The following FLT4 variants were observed in gnomAD, a reference collection of about 807,000 sequenced individuals.
FLT4 encodes vascular endothelial growth factor receptor 3.
Under a neutral mutation model 163.2 loss-of-function variants are expected in FLT4, and 30 were observed. That is an observed-to-expected ratio of 0.18 (90% CI 0.14 to 0.25). The LOEUF (loss-of-function observed/expected upper bound fraction) is 0.25. Among genes scored for constraint, FLT4 ranks in the 10% least tolerant of loss-of-function variants. The pLI is 1.00. For synonymous variants in FLT4, 884 were observed against 789.5 expected, an observed-to-expected ratio of 1.12 and a Z score of -2.01; for missense variants, 1,510 against 1,863.8, an observed-to-expected ratio of 0.81 and a Z score of 3.50.
At position 180,620,739 on chromosome 5, in the gene FLT4, C is replaced by CGTGT. The variant is rs57822329; in HGVS notation, c.2300-28_2300-25dup. The CGTGT allele has an allele frequency of 0.2, 300,821 of 1,528,920 alleles. 9,884 individuals carry two copies. The highest frequency in any genetic ancestry group is 0.23 in the Middle Eastern group (1,305 of 5,722). 94.7% of individuals were successfully genotyped at this position (1,528,920 alleles called of 1,614,324 possible). A position where few individuals can be genotyped will look rare whatever the true frequency, so the allele number is the denominator to read the frequency against. On this transcript the variant is annotated intron_variant, in intron 15 of 29. Transcript: ENST00000261937. This position sits in a 1 kb window ranked among gnomAD's most constrained non-coding sequence, Gnocchi z 4.4. ...GCCTGCGTGGGCAGAAAGGGGCCGG[C>CGTGT]GTGTGTGTGTGTGTGTGTAAGAGCG...
At chr5:180,603,414 T>G in intron 29 of FLT4, 24 bp from the exon 30 acceptor site, 1 of 1,610,668 alleles carries the variant, frequency 6.2e-7, no homozygotes, top group Non-Finnish European at 8.5e-7. Context: ...GAAGGTGGTG[T>G]TAGTAAGAGA....
intron 11 of FLT4, 96 bp from the exon 12 acceptor site, chr5:180,622,935 C>CA (rs1554113608): frequency 2.3e-5 from 18 of 787,560 alleles, no homozygotes; most frequent in South Asian, 1.3e-4. Flanking sequence ...ACCACCCCCC[C>CA]CAATCATGGG....
rs765075751 is a variant in FLT4, at chr5:180,620,733, G to T, written c.2300-18C>A. 6.3e-7 allele frequency: 1 copy of T among 1,598,774 alleles called. No individual in the cohort carries two copies. Among genetic ancestry groups the T allele is most frequent in the Admixed American group, 1.7e-5 (1 of 59,376 alleles). On this transcript the variant is annotated intron_variant, in intron 15 of 29. Transcript: ENST00000261937. The surrounding 1 kb of genome is among the most constrained non-coding windows in gnomAD (Gnocchi z 4.4). Reference sequence around the variant, plus strand: ...CTCGGAGCCTGCGTGGGCAGAAAGGGGCCGGCGTGTGTGTGTGTGTGTGTA... The same window carrying T: ...CTCGGAGCCTGCGTGGGCAGAAAGGTGCCGGCGTGTGTGTGTGTGTGTGTA...
chr5:180,608,671 T>C (rs749287045), intron 29 of FLT4, among the ~76,000 whole-genome samples: 7 of 152,180 alleles, frequency 4.6e-5, no homozygotes, highest in South Asian at 2.1e-4. Context: ...AGAGTGTGTG[T>C]GCCCTGGGCA....
Position 180,620,312 on chromosome 5 carries a change from C to A in FLT4, c.2407-4G>T, listed in dbSNP as rs1375794203. 1 of 1,610,232 alleles carries A rather than the reference C, an allele frequency of 6.2e-7. No homozygotes were observed. The highest frequency in any genetic ancestry group is 8.5e-7 in the Non-Finnish European group (1 of 1,179,830). On this transcript the variant is annotated splice_polypyrimidine_tract_variant and splice_region_variant and intron_variant, in intron 16 of 29. Coordinates refer to ENST00000261937, the MANE Select transcript of FLT4 (RefSeq NM_182925.5). The surrounding 1 kb of genome is among the most constrained non-coding windows in gnomAD (Gnocchi z 4.4). Reference sequence around the variant, plus strand: ...TCTTGATGTCTGCGTGGGCCGGCTGCGGGGAGGGGACAGGGAGGAGTGGGG... The same window carrying A: ...TCTTGATGTCTGCGTGGGCCGGCTGAGGGGAGGGGACAGGGAGGAGTGGGG...
rs370998642 is a variant in FLT4 at position 180,609,005 on chromosome 5, G to C, written c.3856C>G (p.Gln1286Glu). The C allele has an allele frequency of 2.3e-5, 37 of 1,614,022 alleles. No homozygotes were observed. The highest frequency in any genetic ancestry group is 1.6e-4 in the Middle Eastern group (1 of 6,084). ...GMVLASEEFEQIESRHRQESG... is the reference protein window; with the variant it reads ...GMVLASEEFEEIESRHRQESG... ...TCTTGTCTATGCCTGCTCTCTATCTGCTCAAACTCCTCCGAGGCCAGCACC... is the reference window on the plus strand; with the variant it reads ...TCTTGTCTATGCCTGCTCTCTATCTCCTCAAACTCCTCCGAGGCCAGCACC... Residue 1286 changes from glutamine (Q) to glutamate (E), a missense_variant, in exon 29 of 30, where the codon CAG becomes GAG. Physicochemically the swap from Gln to Glu is conservative, Grantham distance 29. Transcript: ENST00000261937.
Position 180,630,733 on chromosome 5 carries a change from G to A in FLT4, c.222C>T (p.Asp74=), listed in dbSNP as rs768515419. The part of the protein sequence containing the change: ...AQEAPATGDK[D]SEDTGVVRDC... Reference sequence around the variant, plus strand: ...CTCGCACCACCCCCGTGTCCTCGCTGTCCTTGTCTCCGGTGGCTGGCGCCT... The same window carrying A: ...CTCGCACCACCCCCGTGTCCTCGCTATCCTTGTCTCCGGTGGCTGGCGCCT... Residue 74 remains aspartate, a synonymous_variant, in exon 3 of 30, where the codon GAC becomes GAT. Coordinates refer to ENST00000261937, the MANE Select transcript of FLT4 (RefSeq NM_182925.5). This position sits in a 1 kb window ranked among gnomAD's most constrained non-coding sequence, Gnocchi z 6.3. 6 of 1,611,346 alleles carry A rather than the reference G, an allele frequency of 3.7e-6. No homozygotes were observed. The highest frequency in any genetic ancestry group is 5.1e-6 in the Non-Finnish European group (6 of 1,179,912).
intron 23 of FLT4, among the ~76,000 whole-genome samples, chr5:180,615,266 C>G (rs376419338): frequency 8.7e-6 from 1 of 114,510 alleles, no homozygotes; most frequent in Non-Finnish European, 2.0e-5. Flanking sequence ...TCTCCACTTC[C>G]GAAATCCACT....
intron 1 of FLT4, among the ~76,000 whole-genome samples, chr5:180,641,785 G>A (rs1017849236): frequency 1.3e-5 from 2 of 152,232 alleles, no homozygotes; most frequent in South Asian, 2.1e-4. Context: ...TGGGCACCCC[G>A]CACTGCCGCT....
chr5:180,645,629 G>A (rs1197035882), intron 1 of FLT4, among the ~76,000 whole-genome samples: 2 of 152,130 alleles, frequency 1.3e-5, no homozygotes, highest in Non-Finnish European at 2.9e-5. Flanking sequence ...CTGGCCGTGG[G>A]CTAGGGTGGT....
intron 1 of FLT4, among the ~76,000 whole-genome samples, chr5:180,638,220 C>G (rs1764833175): frequency 6.6e-6 from 1 of 152,244 alleles, no homozygotes; most frequent in African/African-American, 2.4e-5. Context: ...AAGCATCCAG[C>G]TGCCCACTGG....
intron 12 of FLT4, 96 bp downstream of exon 12, chr5:180,622,635 C>T (rs1763244926): frequency 1.0e-5 from 8 of 765,714 alleles, no homozygotes; most frequent in Non-Finnish European, 1.6e-5. Flanking sequence ...GGATCTCTCT[C>T]CTGGGTGTCC....
At position 180,620,524 on chromosome 5, in the gene FLT4, C is replaced by T. The variant is rs1399016509; in HGVS notation, c.2406+85G>A. 2.4e-6 allele frequency: 3 copies of T among 1,229,978 alleles called. No individual in the cohort carries two copies. The highest frequency in any genetic ancestry group is 2.4e-5 in the East Asian group (1 of 41,628). 76.2% of individuals were successfully genotyped at this position (1,229,978 alleles called of 1,614,324 possible). A position where few individuals can be genotyped will look rare whatever the true frequency, so the allele number is the denominator to read the frequency against. Reference sequence around the variant, plus strand: ...AACAAGGCTGCCAGGTGAACTAGGGCGGGCACCTTATTCTTTATCTTAGGG... The same window carrying T: ...AACAAGGCTGCCAGGTGAACTAGGGTGGGCACCTTATTCTTTATCTTAGGG... On this transcript the variant is annotated intron_variant, in intron 16 of 29. Coordinates refer to ENST00000261937, the MANE Select transcript of FLT4 (RefSeq NM_182925.5). The surrounding 1 kb of genome is among the most constrained non-coding windows in gnomAD (Gnocchi z 4.4).
At position 180,618,964 on chromosome 5, in the gene FLT4, C is replaced by A. The variant is rs748127600; in HGVS notation, c.2851-44G>T. On this transcript the variant is annotated intron_variant, in intron 20 of 29. Transcript: ENST00000261937. ...GGCTCGAGGGCGCCCAGTCGTCCGC[C>A]GCAGAGGCGCCTCCATTCCCCCGCC... is the stretch of plus-strand genomic sequence containing the variant. 2.6e-6 allele frequency: 4 copies of A among 1,556,638 alleles called. No individual in the cohort carries two copies. In the Admixed American group the frequency reaches 5.8e-5, roughly 23 times the overall value.
At chr5:180,641,984 G>A (rs573831202) in intron 1 of FLT4, among the ~76,000 whole-genome samples, 10 of 151,622 alleles carry the variant, frequency 6.6e-5, no homozygotes, top group East Asian at 1.9e-4. Context: ...CAAGGTGGGC[G>A]GATCAGGAGG....
intron 8 of FLT4, 70 bp from the exon 9 acceptor site, chr5:180,626,335 AC>A: frequency 6.4e-7 from 1 of 1,550,740 alleles, no homozygotes; most frequent in Non-Finnish European, 8.8e-7. Flanking sequence ...TGGCACCCCC[AC>A]CCCAAATACA....
At chr5:180,643,403 C>T (rs559878481) in intron 1 of FLT4, among the ~76,000 whole-genome samples, 2 of 152,308 alleles carry the variant, frequency 1.3e-5, no homozygotes, top group African/African-American at 2.4e-5. Context: ...GCTTTCTGGC[C>T]GCAGAACCCC....
At chr5:180,628,832 C>G in intron 8 of FLT4, 50 bp downstream of exon 8, 2 of 1,330,434 alleles carry the variant, frequency 1.5e-6, no homozygotes, top group Non-Finnish European at 2.1e-6. Context: ...TGTTTTGCCC[C>G]TGGACTTGGA....
intron 1 of FLT4, among the ~76,000 whole-genome samples, chr5:180,643,774 G>A (rs2127868275): frequency 6.6e-6 from 1 of 151,184 alleles, no homozygotes; most frequent in Non-Finnish European, 1.5e-5. Flanking sequence ...CAGGACTCCT[G>A]CACTTTTCCA....
Sources: allele counts gnomAD v4.1 joint callset (sites outside exome capture counted in the v4.1 genomes callset), GRCh38; gene constraint gnomAD v4.1.1; non-coding constraint Gnocchi (gnomAD v3.1); transcripts MANE v1.5; gene names NCBI Gene and HGNC (gene_info 2026-07-23, HGNC 2026-07-21).